PNLIPRP3: variants seen among roughly 807,000 people sequenced by gnomAD.
The protein encoded by PNLIPRP3 is pancreatic lipase related protein 3, also known as pancreatic lipase-related protein 3.
A neutral mutation model predicts 52.8 loss-of-function variants in PNLIPRP3; 58 were observed. The ratio of observed to expected loss-of-function variants is 1.10; its 90% confidence interval spans 0.89 to 1.37. The LOEUF (loss-of-function observed/expected upper bound fraction) is 1.37. PNLIPRP3 is among the 40% of genes most tolerant of loss of function. The pLI, the probability that PNLIPRP3 is intolerant of heterozygous loss-of-function variation, is 0.00. For missense variants in PNLIPRP3, 593 were observed against 561.6 expected (o/e 1.06, Z -0.57); for synonymous variants, 192 against 185.0 (o/e 1.04, Z -0.31).
Position 116,477,676 on chromosome 10 carries a change from T to C in PNLIPRP3, c.*523T>C, listed in dbSNP as rs1846497846. The C allele has an allele frequency of 6.6e-6, 1 of 152,322 alleles. No homozygotes were observed. Among genetic ancestry groups the C allele is most frequent in the Non-Finnish European group, 1.5e-5 (1 of 68,164 alleles). 9.4% of individuals were successfully genotyped at this position (152,322 alleles called of 1,614,324 possible). A position where few individuals can be genotyped will look rare whatever the true frequency, so the allele number is the denominator to read the frequency against. On this transcript the variant is annotated 3_prime_UTR_variant, in exon 12 of 12. Coordinates refer to ENST00000369230, the MANE Select transcript of PNLIPRP3 (RefSeq NM_001011709.3). ...CTAGTAATAATAAAAACTAATGAGATGGCACTAGTATTTCCAAGGTGTTCC... is the reference window on the plus strand; with the variant it reads ...CTAGTAATAATAAAAACTAATGAGACGGCACTAGTATTTCCAAGGTGTTCC...
Position 116,476,795 on chromosome 10 carries a change from A to G in PNLIPRP3, c.1316A>G (p.Asn439Ser), listed in dbSNP as rs1201585100. ...AAGTTGGGAGCAGAAATGGTGATAAATACATCTGGGAAATATGGATATAAG... is the reference window on the plus strand; with the variant it reads ...AAGTTGGGAGCAGAAATGGTGATAAGTACATCTGGGAAATATGGATATAAG... ...QNKLGAEMVI[N>S]TSGKYGYKST... The change falls in exon 11 of 12, where the codon AAT (asparagine) becomes AGT (serine). Residue 439 changes from asparagine to serine, a missense_variant. Physicochemically the swap from Asn to Ser is conservative, Grantham distance 46. Transcript: ENST00000369230. 5.6e-6 allele frequency: 9 copies of G among 1,605,022 alleles called. No homozygotes were observed. Among genetic ancestry groups the G allele is most frequent in the East Asian group, 2.2e-5 (1 of 44,700 alleles).
rs1184737161 is a variant in PNLIPRP3, at chr10:116,476,753, T to C, written c.1274T>C (p.Phe425Ser). ...SVQFIWKKHLFEDSQNKLGAE... is the reference protein window; with the variant it reads ...SVQFIWKKHLSEDSQNKLGAE... ...CAGTTCATCTGGAAAAAACATTTGT[T>C]TGAAGATTCTCAGAATAAGTTGGGA... Residue 425 changes from phenylalanine to serine, a missense_variant, in exon 11 of 12, where the codon TTT becomes TCT. By Grantham distance (155) the Phe-to-Ser change is radical. Transcript: ENST00000369230. 1.9e-6 allele frequency: 3 copies of C among 1,610,512 alleles called. No homozygotes were observed. The East Asian group carries it at 6.7e-5, about 36-fold the overall frequency.
At chr10:116,453,340 C>T (rs1846065973) in intron 4 of PNLIPRP3, among the ~76,000 whole-genome samples, 2 of 152,042 alleles carry the variant, frequency 1.3e-5, no homozygotes, top group African/African-American at 2.4e-5. Context: ...AGGAACTTGG[C>T]CTTGAGTCTC....
intron 4 of PNLIPRP3, among the ~76,000 whole-genome samples, chr10:116,448,405 A>G (rs1013268919): frequency 6.6e-6 from 1 of 152,242 alleles, no homozygotes; most frequent in South Asian, 2.1e-4. Flanking sequence ...AGTCACAAAG[A>G]AAGTACCTAT....
At position 116,476,679 on chromosome 10, in the gene PNLIPRP3, C is replaced by A; in HGVS notation, c.1200C>A (p.Tyr400Ter). Residue 400 changes from tyrosine (Y) to a stop codon, truncating the protein, a stop_gained, in exon 11 of 12, where the codon TAC becomes TAA. Transcript: ENST00000369230. LOFTEE classifies it high-confidence loss of function. Reference sequence around the variant, plus strand: ...GAAAACTTGAGCCAGGCATGACTTACACAAAATTAATCGATGCAGATGTTA... The same window carrying A: ...GAAAACTTGAGCCAGGCATGACTTAAACAAAATTAATCGATGCAGATGTTA... ...VSGKLEPGMT[Y>*]TKLIDADVNV... 6.3e-7 allele frequency: 1 copy of A among 1,582,528 alleles called. No homozygotes were observed. Among genetic ancestry groups the A allele is most frequent in the Admixed American group, 1.9e-5 (1 of 51,738 alleles).
chr10:116,429,727 G>A (rs1173249644), intron 1 of PNLIPRP3, among the ~76,000 whole-genome samples: 1 of 152,196 alleles, frequency 6.6e-6, no homozygotes, highest in Non-Finnish European at 1.5e-5. Flanking sequence ...GCAGAATTAA[G>A]AAATAGGCAG....
At chr10:116,442,146 GA>G (rs1845867571) in intron 2 of PNLIPRP3, among the ~76,000 whole-genome samples, 1 of 152,084 alleles carries the variant, frequency 6.6e-6, no homozygotes, top group Non-Finnish European at 1.5e-5. Context: ...TTTTCCAATA[GA>G]ATTGCTTATA....
chr10:116,461,026 C>A lies in PNLIPRP3; in HGVS notation c.626C>A (p.Ser209Ter), dbSNP rs1402181975. The change falls in exon 6 of 12, where the codon TCG (serine) becomes TAG (stop). Residue 209 changes from serine (S) to a stop codon, truncating the protein, a stop_gained. Coordinates refer to ENST00000369230, the MANE Select transcript of PNLIPRP3 (RefSeq NM_001011709.3). LOFTEE classifies it high-confidence loss of function. Reference protein sequence around the residue: ...NTPKEVRLDPSDANFVDVIHT... With the variant: ...NTPKEVRLDP Reference sequence around the variant, plus strand: ...CCAAAGGAAGTCAGGCTAGACCCCTCGGATGCCAACTTTGTTGACGTTATT... The same window carrying A: ...CCAAAGGAAGTCAGGCTAGACCCCTAGGATGCCAACTTTGTTGACGTTATT... 6.2e-7 allele frequency: 1 copy of A among 1,613,796 alleles called. No homozygotes were observed. The highest frequency in any genetic ancestry group is 8.5e-7 in the Non-Finnish European group (1 of 1,180,028).
intron 2 of PNLIPRP3, among the ~76,000 whole-genome samples, chr10:116,441,588 G>T (rs1476691380): frequency 6.6e-6 from 1 of 152,054 alleles, no homozygotes; most frequent in African/African-American, 2.4e-5. Flanking sequence ...TTCCTAGAAG[G>T]CCTGAAGATG....
chr10:116,432,161 G>A (rs569890679), intron 1 of PNLIPRP3, among the ~76,000 whole-genome samples: 2 of 152,238 alleles, frequency 1.3e-5, no homozygotes, highest in Admixed American at 1.3e-4. Flanking sequence ...GAATTCCAGT[G>A]CTAATAGCAT....
intron 10 of PNLIPRP3, among the ~76,000 whole-genome samples, chr10:116,474,672 A>G (rs535266589): frequency 6.6e-6 from 1 of 152,304 alleles, no homozygotes; most frequent in African/African-American, 2.4e-5. Flanking sequence ...AAGAAGACAT[A>G]TGCATGGCCA....
In PNLIPRP3 at chr10:116,450,609, G is replaced by A. The variant is rs556875154; in HGVS notation, c.457-5113G>A. Among the ~76,000 whole-genome samples, 5 of 151,976 alleles carry A rather than the reference G, an allele frequency of 3.3e-5. No homozygotes were observed. The East Asian group carries it at 9.6e-4, about 29-fold the overall frequency. On this transcript the variant is annotated intron_variant, in intron 4 of 11. Transcript: ENST00000369230. ...GAGAAGACTAACATTTAAAAAATAA[G>A]AAATAAAAAGGAGACATGACAATTG...
chr10:116,452,544 GATGTCTAAAAGGAAAGAAT>G (rs1182228771), intron 4 of PNLIPRP3, among the ~76,000 whole-genome samples: 40 of 152,292 alleles, frequency 2.6e-4, no homozygotes, highest in African/African-American at 9.6e-4. Flanking sequence ...CACAAGCCCA[GATGTCTAAAAGGAAAGAAT>G]GGTTTCAGAA....
chr10:116,459,149 C>A (rs1044063343), intron 5 of PNLIPRP3, among the ~76,000 whole-genome samples: 3 of 152,056 alleles, frequency 2.0e-5, no homozygotes, highest in African/African-American at 7.2e-5. Context: ...TCTCTCCAGG[C>A]TACTTCATGA....
At chr10:116,429,158 A>G (rs1270991793) in intron 1 of PNLIPRP3, among the ~76,000 whole-genome samples, 2 of 152,152 alleles carry the variant, frequency 1.3e-5, no homozygotes, top group Admixed American at 6.6e-5. Context: ...AATATTTCAC[A>G]TACAAATACT....
intron 4 of PNLIPRP3, among the ~76,000 whole-genome samples, chr10:116,455,471 C>T (rs541065713): frequency 2.0e-5 from 3 of 152,258 alleles, no homozygotes; most frequent in African/African-American, 4.8e-5. Context: ...TCTCCTGTTT[C>T]CAAGGACCAC....
chr10:116,437,371 A>G (rs1469282335), intron 2 of PNLIPRP3, among the ~76,000 whole-genome samples: 1 of 152,126 alleles, frequency 6.6e-6, no homozygotes, highest in African/African-American at 2.4e-5. Flanking sequence ...TGAGGAGGAC[A>G]TGTATTTGAG....
intron 7 of PNLIPRP3, among the ~76,000 whole-genome samples, chr10:116,464,238 G>A: frequency 6.6e-6 from 1 of 152,138 alleles, no homozygotes; most frequent in Non-Finnish European, 1.5e-5. Context: ...TGAATAGGAG[G>A]GAGTTCAGTT....
chr10:116,461,457 G>A (rs963827464), intron 7 of PNLIPRP3, among the ~76,000 whole-genome samples, 167 bp downstream of exon 7: 2 of 152,120 alleles, frequency 1.3e-5, no homozygotes, highest in African/African-American at 4.8e-5. Context: ...CCACAAGATC[G>A]GGTACCGTGT....
Sources: gnomAD v4.1 joint callset for allele counts (sites outside exome capture counted in the v4.1 genomes callset) on GRCh38, gnomAD v4.1.1 for gene constraint, MANE v1.5 for transcripts, NCBI Gene and HGNC (gene_info 2026-07-23, HGNC 2026-07-21) for gene names.